CHN2: variants seen among roughly 807,000 people sequenced by gnomAD.
CHN2 encodes the protein chimerin 2.
In CHN2, 35 loss-of-function variants were observed where a neutral mutation model predicts 56.3. The ratio of observed to expected loss-of-function variants is 0.62; its 90% CI spans 0.47 to 0.82. CHN2 has a LOEUF of 0.82. Among genes scored for constraint, CHN2 ranks in the 40% least tolerant of loss-of-function variants. CHN2 has a pLI of 0.00. For synonymous variants in CHN2, 210 were observed against 212.8 expected (o/e 0.99, Z 0.12); for missense variants, 491 against 580.5 (o/e 0.85, Z 1.58).
At chr7:29,341,510 A>G (rs1185737053) in intron 1 of CHN2, among the ~76,000 whole-genome samples, 5 of 151,966 alleles carry the variant, frequency 3.3e-5, no homozygotes, top group Admixed American at 2.0e-4. Context: ...TCTATTGACA[A>G]TGAAATCTGG....
intron 1 of CHN2, among the ~76,000 whole-genome samples, chr7:29,252,016 G>A (rs1482848976): frequency 6.6e-6 from 1 of 151,996 alleles, no homozygotes; most frequent in Non-Finnish European, 1.5e-5. Flanking sequence ...AACAGCAATA[G>A]AAAGGCTCTG....
intron 6 of CHN2, among the ~76,000 whole-genome samples, chr7:29,414,093 C>G (rs1380045359): frequency 6.6e-6 from 1 of 152,154 alleles, no homozygotes; most frequent in African/African-American, 2.4e-5. Flanking sequence ...TATACCTTTA[C>G]TATATCGCAA....
chr7:29,480,901 C>T (rs1438692622), intron 7 of CHN2, among the ~76,000 whole-genome samples: 2 of 152,120 alleles, frequency 1.3e-5, no homozygotes, highest in Non-Finnish European at 2.9e-5. Flanking sequence ...AGGGGGGGCA[C>T]CCTTGGTCAC....
At chr7:29,174,310 T>G (rs1562807989) in intron 2 of CHN2, among the ~76,000 whole-genome samples, 1 of 152,170 alleles carries the variant, frequency 6.6e-6, no homozygotes, top group African/African-American at 2.4e-5. Flanking sequence ...TATTTTGGTA[T>G]GCAGGCACAT....
chr7:29,473,101 C>G (rs182918937), intron 6 of CHN2, among the ~76,000 whole-genome samples: 1 of 152,244 alleles, frequency 6.6e-6, no homozygotes, highest in African/African-American at 2.4e-5. Context: ...CCAGACCCCA[C>G]AAGCCCCTGC....
intron 1 of CHN2, among the ~76,000 whole-genome samples, chr7:29,205,368 G>A (rs1186114307): frequency 2.6e-5 from 4 of 152,148 alleles, no homozygotes; most frequent in African/African-American, 9.7e-5. Flanking sequence ...GGAAGCTGGG[G>A]ATCTGGTCCA....
chr7:29,323,461 C>T (rs1795526533), intron 1 of CHN2, among the ~76,000 whole-genome samples: 1 of 152,106 alleles, frequency 6.6e-6, no homozygotes, highest in Non-Finnish European at 1.5e-5. Flanking sequence ...TTTTTGGTAG[C>T]TTTGTCATAC....
chr7:29,254,349 C>G (rs1222931581), intron 1 of CHN2, among the ~76,000 whole-genome samples: 1 of 152,204 alleles, frequency 6.6e-6, no homozygotes, highest in Non-Finnish European at 1.5e-5. Context: ...AGTGCTAATG[C>G]TAGTCTATAA....
chr7:29,195,627 AGAGTGTGTGTGT>A (rs1201905119), intron 1 of CHN2, among the ~76,000 whole-genome samples: 19 of 116,812 alleles, frequency 1.6e-4, no homozygotes, highest in Middle Eastern at 4.4e-3. Flanking sequence ...AGAGAGAGAG[AGAGTGTGTGTGT>A]GTGTGTGTGT....
At chr7:29,264,624 A>T (rs1789962974) in intron 1 of CHN2, among the ~76,000 whole-genome samples, 1 of 152,088 alleles carries the variant, frequency 6.6e-6, no homozygotes, top group African/African-American at 2.4e-5. Context: ...CATACTCGTT[A>T]AGGGTCATCA....
intron 1 of CHN2, among the ~76,000 whole-genome samples, chr7:29,256,970 T>C (rs1203714832): frequency 6.6e-6 from 1 of 152,116 alleles, no homozygotes. Flanking sequence ...GCCATCTGGG[T>C]AGCATGAGTT....
intron 1 of CHN2, chr7:29,213,140 T>C: frequency 1.3e-6 from 2 of 1,534,984 alleles, no homozygotes; most frequent in Non-Finnish European, 1.8e-6. Flanking sequence ...AGCAAATGAC[T>C]AGGTATTTTA....
At chr7:29,434,965 C>T (rs1421647254) in intron 6 of CHN2, among the ~76,000 whole-genome samples, 1 of 152,022 alleles carries the variant, frequency 6.6e-6, no homozygotes, top group East Asian at 1.9e-4. Flanking sequence ...TGGTGGCATG[C>T]ACCTGTAGTT....
intron 2 of CHN2, 100 bp from the exon 3 acceptor site, chr7:29,367,832 T>C: frequency 1.1e-6 from 1 of 915,900 alleles, no homozygotes; most frequent in Admixed American, 2.8e-5. Context: ...TTTACAATCC[T>C]TGAGATGTAC....
intron 6 of CHN2, among the ~76,000 whole-genome samples, chr7:29,447,175 T>G (rs1784091238): frequency 6.6e-6 from 1 of 152,184 alleles, no homozygotes. Context: ...CTAACAGAGA[T>G]GCTACAATGA....
intron 3 of CHN2, among the ~76,000 whole-genome samples, chr7:29,387,677 A>G (rs1801024721): frequency 6.6e-6 from 1 of 152,174 alleles, no homozygotes; most frequent in South Asian, 2.1e-4. Context: ...GGCTTCTCTC[A>G]TATCTGTGTT....
At chr7:29,304,466 T>G (rs1309829206) in intron 1 of CHN2, among the ~76,000 whole-genome samples, 1 of 152,250 alleles carries the variant, frequency 6.6e-6, no homozygotes, top group East Asian at 1.9e-4. Flanking sequence ...TGTAATCAAG[T>G]GAACCATAAC....
At chr7:29,415,650 C>G (rs1187441132) in intron 6 of CHN2, among the ~76,000 whole-genome samples, 1 of 151,922 alleles carries the variant, frequency 6.6e-6, no homozygotes, top group Non-Finnish European at 1.5e-5. Context: ...TGGAGATGGG[C>G]GGGCTTGGGA....
chr7:29,345,141 T>G (rs908358392), intron 1 of CHN2, among the ~76,000 whole-genome samples: 2 of 152,120 alleles, frequency 1.3e-5, no homozygotes, highest in African/African-American at 2.4e-5. Flanking sequence ...AGGAAACATC[T>G]TCTCTACACA....
Sources: gnomAD v4.1 joint callset for allele counts (sites outside exome capture counted in the v4.1 genomes callset) on GRCh38, gnomAD v4.1.1 for gene constraint, MANE v1.5 for transcripts, NCBI Gene and HGNC (gene_info 2026-07-23, HGNC 2026-07-21) for gene names.